The following CMTR1 variants were observed in gnomAD, a reference collection of about 807,000 sequenced individuals.
The protein encoded by CMTR1 is cap-specific mRNA (nucleoside-2'-O-)-methyltransferase 1.
A neutral mutation model predicts 107.0 loss-of-function variants in CMTR1; 39 were observed. That is an observed-to-expected ratio of 0.36 (90% CI 0.28 to 0.48). The LOEUF (loss-of-function observed/expected upper bound fraction) is 0.48, where lower values mean the gene tolerates loss of function less well. CMTR1 is among the 20% of genes least tolerant of loss of function. The probability of loss-of-function intolerance (pLI) is 0.99; values close to 1 mark genes in which losing one functional copy is unlikely to be tolerated. For synonymous variants in CMTR1, 366 were observed against 379.5 expected, an observed-to-expected ratio of 0.96 and a Z score of 0.41; for missense variants, 672 against 1,064.9, an observed-to-expected ratio of 0.63 and a Z score of 5.14.
rs753829878 is a variant in CMTR1, at chr6:37,435,702, C to T, written c.73C>T (p.Leu25=). The T allele has an allele frequency of 3.7e-6, 6 of 1,604,144 alleles. No homozygotes were observed. Among genetic ancestry groups the T allele is most frequent in the East Asian group, 4.5e-5 (2 of 44,104 alleles). ...KQKKRVAELA[L]SLSSTSDDEP... ...GAAAAAAAGAGTTGCAGAGCTTGCCCTGAGCCTCAGCTCCACGTCCGATGA... is the reference window on the plus strand; with the variant it reads ...GAAAAAAAGAGTTGCAGAGCTTGCCTTGAGCCTCAGCTCCACGTCCGATGA... Residue 25 remains leucine (L), a synonymous_variant, in exon 2 of 24, where the codon CTG becomes TTG. Coordinates refer to ENST00000373451, the MANE Select transcript of CMTR1 (RefSeq NM_015050.3).
chr6:37,443,712 A>G (rs1213970895), intron 2 of CMTR1, among the ~76,000 whole-genome samples: 6 of 152,148 alleles, frequency 3.9e-5, no homozygotes, highest in Non-Finnish European at 8.8e-5. Flanking sequence ...CCTGTGAGGC[A>G]GGTATTACTA....
rs1771799365 is a variant in CMTR1 at position 37,446,543 on chromosome 6, A to T, written c.444+94A>T. 3 of 1,405,264 alleles carry T rather than the reference A, an allele frequency of 2.1e-6. No homozygotes were observed. The Admixed American group carries it at 6.3e-5, about 30-fold the overall frequency. 87.0% of individuals were successfully genotyped at this position (1,405,264 alleles called of 1,614,324 possible). On this transcript the variant is annotated intron_variant, in intron 4 of 23. Transcript: ENST00000373451. The stretch of plus-strand genomic sequence containing the variant: ...ATATCAACAAACTAGAAATCTCCAG[A>T]GGCAGTATGAGCAAAGTGGAATTAG...
chr6:37,442,432 G>A (rs1183067331), intron 2 of CMTR1, among the ~76,000 whole-genome samples: 1 of 152,168 alleles, frequency 6.6e-6, no homozygotes, highest in Non-Finnish European at 1.5e-5. Context: ...AGTGATACTT[G>A]GCTGACACAT....
Position 37,480,432 on chromosome 6 carries a change from C to A in CMTR1, c.*287C>A. 8.1e-7 allele frequency: 1 copy of A among 1,242,166 alleles called. No individual in the cohort carries two copies. The highest frequency in any genetic ancestry group is 3.2e-4 in the Middle Eastern group (1 of 3,150). 76.9% of individuals were successfully genotyped at this position (1,242,166 alleles called of 1,614,324 possible). On this transcript the variant is annotated 3_prime_UTR_variant, in exon 24 of 24. Coordinates refer to ENST00000373451, the MANE Select transcript of CMTR1 (RefSeq NM_015050.3). Reference sequence around the variant, plus strand: ...AGGTATGAGGTCAGTGCCTAGGGCACGTGGGACTGATGGAGGACATATCAG... The same window carrying A: ...AGGTATGAGGTCAGTGCCTAGGGCAAGTGGGACTGATGGAGGACATATCAG...
Position 37,472,453 on chromosome 6 carries a change from C to G in CMTR1, c.1655C>G (p.Ser552Cys), listed in dbSNP as rs1206187827. The G allele has an allele frequency of 2.5e-6, 4 of 1,614,222 alleles. 1 individual carries two copies. The South Asian group carries it at 3.3e-5, about 13-fold the overall frequency. ...CAGGCTCGTGTGGCTCCTTCTTCCT[C>G]CGACCCTAAATCGAAGTTCTTTGAG... The part of the protein sequence containing the change: ...PDQARVAPSS[S>C]DPKSKFFELI... Residue 552 changes from serine (S) to cysteine (C), a missense_variant, in exon 16 of 24, where the codon TCC becomes TGC. By Grantham distance (112) the Ser-to-Cys change is moderately radical. Coordinates refer to ENST00000373451, the MANE Select transcript of CMTR1 (RefSeq NM_015050.3). The surrounding 1 kb of genome is among the most constrained non-coding windows in gnomAD (Gnocchi z 4.1).
At chr6:37,476,885 A>G (rs375271212) in intron 20 of CMTR1, among the ~76,000 whole-genome samples, 19 of 152,352 alleles carry the variant, frequency 1.2e-4, no homozygotes, top group Admixed American at 3.9e-4. Context: ...TAAATCCAGT[A>G]TTGAGAATGC....
intron 20 of CMTR1, 75 bp from the exon 21 acceptor site, chr6:37,477,517 C>T: frequency 7.2e-7 from 1 of 1,387,664 alleles, no homozygotes; most frequent in Non-Finnish European, 1.0e-6. Flanking sequence ...GTGCAGTCTC[C>T]TGCCTCCCAG....
At position 37,453,297 on chromosome 6, in the gene CMTR1, G is replaced by C; in HGVS notation, c.762G>C (p.Pro254=). Residue 254 remains proline (P), a synonymous_variant, in exon 8 of 24, where the codon CCG becomes CCC. Coordinates refer to ENST00000373451, the MANE Select transcript of CMTR1 (RefSeq NM_015050.3). ...DFVFDRMFTN[P]RDSYGKPLVK... ...TATTTGATCGCATGTTCACAAATCC[G>C]CGGGACTCTTATGGGGTGAGAACAA... 1.2e-6 allele frequency: 2 copies of C among 1,614,130 alleles called. No individual in the cohort carries two copies. Among genetic ancestry groups the C allele is most frequent in the South Asian group, 1.1e-5 (1 of 91,076 alleles).
chr6:37,480,022 C>T lies in CMTR1; in HGVS notation c.2385C>T (p.Tyr795=), dbSNP rs116926451. The part of the protein sequence containing the change: ...ADSIAPFHIC[Y]YGRLFWEWGD... ...TCCCTCTCCTCCCCAGCATTTGCTACTATGGCCGGCTCTTCTGGGAGTGGG... is the reference window on the plus strand; with the variant it reads ...TCCCTCTCCTCCCCAGCATTTGCTATTATGGCCGGCTCTTCTGGGAGTGGG... Residue 795 remains tyrosine (Y), a synonymous_variant, in exon 24 of 24, where the codon TAC becomes TAT. Coordinates refer to ENST00000373451, the MANE Select transcript of CMTR1 (RefSeq NM_015050.3). The T allele has an allele frequency of 6.0e-4, 946 of 1,576,752 alleles. 9 individuals are homozygous for T. In the East Asian group the frequency reaches 0.02, roughly 34 times the overall value.
rs866211672 is a variant in CMTR1 at position 37,458,516 on chromosome 6, C to T, written c.778-96C>T. The T allele has an allele frequency of 2.1e-5, 26 of 1,220,070 alleles. No individual in the cohort carries two copies. The highest frequency in any genetic ancestry group is 5.6e-4 in the Middle Eastern group (2 of 3,568). The allele number at this position is 1,220,070 out of a possible 1,614,324, so 75.6% of individuals were successfully genotyped here. On this transcript the variant is annotated intron_variant, in intron 8 of 23. Coordinates refer to ENST00000373451, the MANE Select transcript of CMTR1 (RefSeq NM_015050.3). The surrounding 1 kb of genome is among the most constrained non-coding windows in gnomAD (Gnocchi z 4.7). The stretch of plus-strand genomic sequence containing the variant: ...GGTGGGAGCTCTGGATTGTACTTGC[C>T]GAAAGGCTTATTTTACTCTCCCTGC...
At position 37,444,137 on chromosome 6, in the gene CMTR1, C is replaced by G; in HGVS notation, c.272C>G (p.Ser91Cys). 1 of 1,614,074 alleles carries G rather than the reference C, an allele frequency of 6.2e-7. No homozygotes were observed. The highest frequency in any genetic ancestry group is 1.3e-5 in the African/African-American group (1 of 75,042). The change falls in exon 3 of 24, where the codon TCC becomes TGC. Residue 91 changes from serine (S) to cysteine (C), a missense_variant. By Grantham distance (112) the Ser-to-Cys change is moderately radical. Coordinates refer to ENST00000373451, the MANE Select transcript of CMTR1 (RefSeq NM_015050.3). ...SSRYSMYNSVSQKLMAKMGFR... is the reference protein window; with the variant it reads ...SSRYSMYNSVCQKLMAKMGFR... ...CGCTATTCCATGTATAATAGCGTCT[C>G]CCAGAAGCTTATGGTATGTCAGCGC...
chr6:37,427,212 C>T, the CMTR1 span, among the ~76,000 whole-genome samples: 6,304 of 152,156 alleles, frequency 0.041, 226 homozygotes, highest in East Asian at 0.11. The surrounding 1 kb of genome is among the most constrained non-coding windows in gnomAD (Gnocchi z 4.4). Context: ...TATTAGACTC[C>T]GGAGTCCCAT....
chr6:37,463,018 C>G lies in CMTR1; in HGVS notation c.1505+10C>G, dbSNP rs777487266. 1 of 1,612,112 alleles carries G rather than the reference C, an allele frequency of 6.2e-7. No individual in the cohort carries two copies. On this transcript the variant is annotated intron_variant, in intron 13 of 23. Transcript: ENST00000373451. Reference sequence around the variant, plus strand: ...TACGGTCCAATGAGAGGTAAGCCAACGGGCTGGTTTTTGCTGGTAACACTG... The same window carrying G: ...TACGGTCCAATGAGAGGTAAGCCAAGGGGCTGGTTTTTGCTGGTAACACTG...
At chr6:37,444,690 C>T (rs1771746580) in intron 3 of CMTR1, among the ~76,000 whole-genome samples, 1 of 152,160 alleles carries the variant, frequency 6.6e-6, no homozygotes, top group Non-Finnish European at 1.5e-5. Flanking sequence ...TATGTGCAAA[C>T]ATTAGAGAGA....
intron 10 of CMTR1, among the ~76,000 whole-genome samples, chr6:37,460,854 C>A (rs1373860587): frequency 6.6e-6 from 1 of 152,198 alleles, no homozygotes; most frequent in South Asian, 2.1e-4. Flanking sequence ...CACTGTGCCA[C>A]CTGATGTCCC....
chr6:37,464,519 A>T (rs1292407706), intron 13 of CMTR1, among the ~76,000 whole-genome samples: 1 of 151,696 alleles, frequency 6.6e-6, no homozygotes, highest in Non-Finnish European at 1.5e-5. Flanking sequence ...AAATTTTCTT[A>T]TGCCCCTACT....
At chr6:37,479,952 C>A in intron 23 of CMTR1, 61 bp from the exon 24 acceptor site, 1 of 1,426,432 alleles carries the variant, frequency 7.0e-7, no homozygotes. Flanking sequence ...CCCTTAAGAA[C>A]ACATGACCCT....
intron 10 of CMTR1, among the ~76,000 whole-genome samples, chr6:37,460,844 C>T (rs970674868): frequency 3.9e-5 from 6 of 152,158 alleles, no homozygotes; most frequent in Non-Finnish European, 8.8e-5. Context: ...CATTTAACAA[C>T]ACTGTGCCAC....
chr6:37,471,432 C>G (rs907755287), intron 14 of CMTR1, among the ~76,000 whole-genome samples: 1 of 152,024 alleles, frequency 6.6e-6, no homozygotes, highest in Non-Finnish European at 1.5e-5. Flanking sequence ...ATCAGAGAAA[C>G]CTCGGGTAGG....
Sources: gnomAD v4.1 joint callset for allele counts (sites outside exome capture counted in the v4.1 genomes callset) on GRCh38, gnomAD v4.1.1 for gene constraint, Gnocchi (gnomAD v3.1) non-coding constraint, MANE v1.5 for transcripts, NCBI Gene and HGNC (gene_info 2026-07-23, HGNC 2026-07-21) for gene names.